SGSM3: variants seen among roughly 807,000 people sequenced by gnomAD.
The protein encoded by SGSM3 is small G protein signaling modulator 3.
A neutral mutation model predicts 100.5 loss-of-function variants in SGSM3; 96 were observed. The observed-to-expected ratio is 0.96, with a 90% CI of 0.81 to 1.13. The LOEUF (loss-of-function observed/expected upper bound fraction) is 1.13, where lower values mean the gene tolerates loss of function less well. Ranked by LOEUF, SGSM3 falls within the 50% of genes most tolerant of loss-of-function variation. SGSM3 has a pLI of 0.00. For synonymous variants in SGSM3, 483 were observed against 422.8 expected (o/e 1.14, Z -1.75); for missense variants, 1,001 against 1,015.8 (o/e 0.99, Z 0.20).
intron 1 of SGSM3, among the ~76,000 whole-genome samples, chr22:40,373,709 G>A (rs541158488): frequency 1.3e-5 from 2 of 152,136 alleles, no homozygotes; most frequent in South Asian, 2.1e-4. Flanking sequence ...TCTGCCTCCC[G>A]AGTTCAAGCA....
chr22:40,399,682 A>G (rs1445452117), intron 1 of SGSM3, among the ~76,000 whole-genome samples: 1 of 152,230 alleles, frequency 6.6e-6, no homozygotes, highest in Admixed American at 6.5e-5. Context: ...GGGAAACCCT[A>G]TATCACATAT....
At chr22:40,371,721 G>A (rs1175728359) in intron 1 of SGSM3, among the ~76,000 whole-genome samples, 2 of 150,676 alleles carry the variant, frequency 1.3e-5, no homozygotes, top group African/African-American at 2.5e-5. Context: ...TTTTTAAGAC[G>A]GGAGTTTCGC....
intron 21 of SGSM3, 69 bp downstream of exon 21, chr22:40,409,594 G>A (rs2052293792): frequency 1.9e-6 from 3 of 1,613,412 alleles, no homozygotes; most frequent in Non-Finnish European, 2.5e-6. Context: ...GGTGGCTAAG[G>A]TGGGAACCCG....
At chr22:40,399,729 C>T (rs2050486645) in intron 1 of SGSM3, among the ~76,000 whole-genome samples, 1 of 152,244 alleles carries the variant, frequency 6.6e-6, no homozygotes, top group African/African-American at 2.4e-5. Flanking sequence ...ATTCCATTCT[C>T]TTCACACAGA....
At chr22:40,405,334 G>A (rs972449029) in intron 7 of SGSM3, 50 bp downstream of exon 7, 1 of 1,433,026 alleles carries the variant, frequency 7.0e-7, no homozygotes, top group Non-Finnish European at 9.2e-7. Flanking sequence ...CCCCCTCCAG[G>A]ACCCTAACAA....
At chr22:40,398,117 GCCA>G (rs1022574837) in intron 1 of SGSM3, among the ~76,000 whole-genome samples, 12 of 151,816 alleles carry the variant, frequency 7.9e-5, no homozygotes, top group Non-Finnish European at 1.8e-4. Flanking sequence ...ACAGGCACAC[GCCA>G]CCACGCCCAG....
rs1486746646 is a variant in SGSM3 at position 40,408,635 on chromosome 22, C to T, written c.1791C>T (p.Gly597=). ...GTGTGCTGTCCCCACAGGCTGCAGG[C>T]CGGGAGGTCGAGAGAGACTTTGCCT... ...HPWLFIEEAA[G]REVERDFASV... is the part of the protein sequence containing the mutation. The change falls in exon 17 of 22, where the codon GGC becomes GGT. Residue 597 remains glycine, a synonymous_variant. Coordinates refer to ENST00000248929, the MANE Select transcript of SGSM3 (RefSeq NM_015705.6). 3 of 1,613,970 alleles carry T rather than the reference C, an allele frequency of 1.9e-6. No individual in the cohort carries two copies. The South Asian group carries it at 3.3e-5, about 18-fold the overall frequency.
At chr22:40,375,290 G>A (rs2046359136) in intron 1 of SGSM3, among the ~76,000 whole-genome samples, 1 of 152,122 alleles carries the variant, frequency 6.6e-6, no homozygotes, top group Non-Finnish European at 1.5e-5. Flanking sequence ...TCAGAAATTA[G>A]ATTGATAGGC....
chr22:40,373,628 T>A (rs1948454232), intron 1 of SGSM3: 1 of 152,224 alleles, frequency 6.6e-6, no homozygotes, highest in Non-Finnish European at 1.5e-5. Flanking sequence ...TTTGTTTTTG[T>A]TTTTTTGAGA....
intron 4 of SGSM3, among the ~76,000 whole-genome samples, chr22:40,403,061 A>T (rs1001401644): frequency 6.6e-6 from 1 of 152,236 alleles, no homozygotes; most frequent in Non-Finnish European, 1.5e-5. Flanking sequence ...GACACAGGGA[A>T]CTTGCTGGTA....
chr22:40,397,186 A>G (rs936980625), intron 1 of SGSM3, among the ~76,000 whole-genome samples: 31 of 152,164 alleles, frequency 2.0e-4, no homozygotes, highest in African/African-American at 7.5e-4. Context: ...AGCCAGTGGG[A>G]GAAGTGGCGT....
intron 1 of SGSM3, among the ~76,000 whole-genome samples, chr22:40,372,275 C>T (rs1388119063): frequency 1.3e-5 from 2 of 151,924 alleles, no homozygotes; most frequent in Non-Finnish European, 2.9e-5. Context: ...TATAGGTGCC[C>T]GCCACCACAC....
Position 40,406,163 on chromosome 22 carries a change from G to A in SGSM3, c.900G>A (p.Leu300=), listed in dbSNP as rs779302850. Residue 300 remains leucine, a synonymous_variant, in exon 9 of 22, where the codon CTG becomes CTA. Coordinates refer to ENST00000248929, the MANE Select transcript of SGSM3 (RefSeq NM_015705.6). ...AGCTGCTCCTGCGCATCTGGGACCT[G>A]TTTTTCTACGAGGGCTCCCGGGTGC... ...DIKLLLRIWD[L]FFYEGSRVLF... The A allele has an allele frequency of 6.2e-7, 1 of 1,614,152 alleles. No individual in the cohort carries two copies.
chr22:40,406,709 G>A (rs1373957674), intron 10 of SGSM3, 47 bp downstream of exon 10: 1 of 1,488,704 alleles, frequency 6.7e-7, no homozygotes, highest in Non-Finnish European at 9.3e-7. Flanking sequence ...CACACGGGGA[G>A]GAGGGGTCAC....
chr22:40,407,396 T>G lies in SGSM3; in HGVS notation c.1369-17T>G, dbSNP rs1439905105. ...ACTCCTCCAACCCCCTTGGTGGGCC[T>G]GTGTTCACTGTGGCAGGAGCTGACT... is the stretch of plus-strand genomic sequence containing the variant. On this transcript the variant is annotated splice_polypyrimidine_tract_variant and intron_variant, in intron 12 of 21. Transcript: ENST00000248929. The surrounding 1 kb of genome is among the most constrained non-coding windows in gnomAD (Gnocchi z 4.7). 2.5e-6 allele frequency: 4 copies of G among 1,611,256 alleles called. No homozygotes were observed. Among genetic ancestry groups the G allele is most frequent in the Non-Finnish European group, 3.4e-6 (4 of 1,178,320 alleles).
intron 1 of SGSM3, among the ~76,000 whole-genome samples, chr22:40,380,217 CTGTG>C (rs943711535): frequency 1.3e-5 from 2 of 151,970 alleles, no homozygotes; most frequent in African/African-American, 4.8e-5. Context: ...TTTTTTAATG[CTGTG>C]TGTGTATTTG....
chr22:40,374,359 T>G (rs995462030), intron 1 of SGSM3, among the ~76,000 whole-genome samples: 6 of 152,216 alleles, frequency 3.9e-5, no homozygotes, highest in Non-Finnish European at 8.8e-5. Flanking sequence ...GACTGTAGTG[T>G]CAAGACTGCG....
intron 7 of SGSM3, 135 bp from the exon 8 acceptor site, chr22:40,405,514 C>A: frequency 1.1e-6 from 1 of 927,394 alleles, no homozygotes; most frequent in Non-Finnish European, 1.6e-6. Context: ...AGGAAAGCAG[C>A]CCAGGGAAGG....
Position 40,406,160 on chromosome 22 carries a change from C to T in SGSM3, c.897C>T (p.Asp299=). The part of the protein sequence containing the change: ...VDIKLLLRIW[D]LFFYEGSRVL... ...TCAAGCTGCTCCTGCGCATCTGGGA[C>T]CTGTTTTTCTACGAGGGCTCCCGGG... Residue 299 remains aspartate, a synonymous_variant, in exon 9 of 22, where the codon GAC becomes GAT. Coordinates refer to ENST00000248929, the MANE Select transcript of SGSM3 (RefSeq NM_015705.6). 1 of 1,614,154 alleles carries T rather than the reference C, an allele frequency of 6.2e-7. No homozygotes were observed. The highest frequency in any genetic ancestry group is 1.1e-5 in the South Asian group (1 of 91,090).
Sources: allele counts gnomAD v4.1 joint callset (sites outside exome capture counted in the v4.1 genomes callset), GRCh38; gene constraint gnomAD v4.1.1; non-coding constraint Gnocchi (gnomAD v3.1); transcripts MANE v1.5; gene names NCBI Gene and HGNC (gene_info 2026-07-23, HGNC 2026-07-21).